CCDC178: variants seen among roughly 807,000 people sequenced by gnomAD.
CCDC178 encodes coiled-coil domain-containing protein 178.
In CCDC178, 126 loss-of-function variants were observed where a neutral mutation model predicts 117.4. The ratio of observed to expected loss-of-function variants is 1.07; its 90% CI spans 0.93 to 1.24. The LOEUF (loss-of-function observed/expected upper bound fraction) is 1.24, where lower values mean the gene tolerates loss of function less well. Ranked by LOEUF, CCDC178 falls within the 50% of genes most tolerant of loss-of-function variation. The pLI, the probability that CCDC178 is intolerant of heterozygous loss-of-function variation, is 0.00. For missense variants in CCDC178, 1,030 were observed against 986.9 expected, an observed-to-expected ratio of 1.04 and a Z score of -0.59; for synonymous variants, 283 against 313.4, an observed-to-expected ratio of 0.90 and a Z score of 1.02.
chr18:33,210,375 G>A (rs966328116), intron 20 of CCDC178, among the ~76,000 whole-genome samples: 4 of 151,890 alleles, frequency 2.6e-5, no homozygotes, highest in African/African-American at 7.2e-5. Flanking sequence ...AGAAAGGCAG[G>A]GACAGGCTTT....
intron 14 of CCDC178, among the ~76,000 whole-genome samples, chr18:33,246,186 T>A (rs1338631175): frequency 6.6e-6 from 1 of 151,880 alleles, no homozygotes; most frequent in African/African-American, 2.4e-5. Context: ...AGCACTCCAT[T>A]TGATTCTAAC....
At chr18:33,318,888 T>C (rs1016849074) in intron 11 of CCDC178, among the ~76,000 whole-genome samples, 5 of 152,052 alleles carry the variant, frequency 3.3e-5, no homozygotes, top group Non-Finnish European at 7.4e-5. Context: ...ATGTTATAAT[T>C]AATATATGAA....
chr18:32,969,081 A>G (rs2054874525), intron 22 of CCDC178, among the ~76,000 whole-genome samples: 1 of 152,048 alleles, frequency 6.6e-6, no homozygotes, highest in Admixed American at 6.6e-5. Flanking sequence ...TTTTGGAGTT[A>G]TCACATTTAA....
intron 21 of CCDC178, among the ~76,000 whole-genome samples, chr18:32,977,254 C>T (rs2055047146): frequency 6.6e-6 from 1 of 152,250 alleles, no homozygotes; most frequent in African/African-American, 2.4e-5. Context: ...GATGCCATAT[C>T]AGTTAAAGTT....
intron 19 of CCDC178, among the ~76,000 whole-genome samples, chr18:33,212,593 T>C (rs2144592161): frequency 6.6e-6 from 1 of 151,998 alleles, no homozygotes; most frequent in Admixed American, 6.6e-5. Flanking sequence ...TGTAAGATGA[T>C]GCCTTTTTTA....
intron 21 of CCDC178, among the ~76,000 whole-genome samples, chr18:33,080,313 GTA>G (rs929329522): frequency 6.6e-6 from 1 of 152,010 alleles, no homozygotes; most frequent in Admixed American, 6.6e-5. Flanking sequence ...CAGAAAATAG[GTA>G]CTATGTTTAG....
chr18:33,251,222 G>A (rs1188160241), intron 14 of CCDC178, among the ~76,000 whole-genome samples: 1 of 151,640 alleles, frequency 6.6e-6, no homozygotes, highest in Non-Finnish European at 1.5e-5. Context: ...CAAAGCTCAT[G>A]GGCTGCTAAA....
intron 19 of CCDC178, among the ~76,000 whole-genome samples, chr18:33,213,453 T>G (rs1014116665): frequency 3.9e-5 from 6 of 151,900 alleles, no homozygotes; most frequent in African/African-American, 1.2e-4. Flanking sequence ...CAGTAGCCAA[T>G]GATATTGACA....
chr18:33,211,962 G>T lies in CCDC178; in HGVS notation c.2172C>A (p.Ile724=). 1 of 1,610,082 alleles carries T rather than the reference G, an allele frequency of 6.2e-7. No individual in the cohort carries two copies. The part of the protein sequence containing the change: ...MQEKKDCEER[I]FEEDQRFRVL... The stretch of plus-strand genomic sequence containing the variant: ...CTCTAAATCTCTGATCTTCCTCAAA[G>T]ATTCTCTCTTCACAGTCTTTTTTCT... Residue 724 remains isoleucine (I), a synonymous_variant, in exon 20 of 23, where the codon ATC becomes ATA. Coordinates refer to ENST00000383096, the MANE Select transcript of CCDC178 (RefSeq NM_001105528.4).
At chr18:33,428,176 C>G (rs188912824) in intron 2 of CCDC178, among the ~76,000 whole-genome samples, 105 of 152,226 alleles carry the variant, frequency 6.9e-4, no homozygotes, top group Non-Finnish European at 2.1e-4. Context: ...AACACTTCTG[C>G]AGATGTTTGA....
At chr18:33,007,934 C>T (rs970835097) in intron 21 of CCDC178, among the ~76,000 whole-genome samples, 2 of 152,140 alleles carry the variant, frequency 1.3e-5, no homozygotes, top group African/African-American at 4.8e-5. Context: ...AGTGATAGTA[C>T]ATTTGCATGT....
chr18:33,102,648 G>T (rs1056187288), intron 20 of CCDC178, among the ~76,000 whole-genome samples: 14 of 151,800 alleles, frequency 9.2e-5, no homozygotes, highest in African/African-American at 3.4e-4. Context: ...TGGTACTGTT[G>T]TTCACATTAG....
At chr18:33,217,876 T>C (rs1022990061) in intron 18 of CCDC178, among the ~76,000 whole-genome samples, 1 of 152,018 alleles carries the variant, frequency 6.6e-6, no homozygotes, top group African/African-American at 2.4e-5. Flanking sequence ...ACTTTACCAC[T>C]AATGAGTTAT....
At chr18:33,290,183 A>G (rs374165835) in intron 12 of CCDC178, among the ~76,000 whole-genome samples, 83 of 152,312 alleles carry the variant, frequency 5.4e-4, no homozygotes, top group African/African-American at 1.9e-3. Flanking sequence ...TTAGAATTGT[A>G]TGCCCAAACC....
At chr18:33,301,177 C>T (rs952220954) in intron 11 of CCDC178, among the ~76,000 whole-genome samples, 1 of 152,180 alleles carries the variant, frequency 6.6e-6, no homozygotes, top group Non-Finnish European at 1.5e-5. Context: ...TTGGCTGCCA[C>T]TCTGGAGGGT....
At chr18:33,091,324 C>CTTTTTTTGTTTTTTTTTTTT (rs2057459852) in intron 21 of CCDC178, among the ~76,000 whole-genome samples, 1 of 43,882 alleles carries the variant, frequency 2.3e-5, no homozygotes, top group Non-Finnish European at 4.1e-5. Context: ...TTATTTCATT[C>CTTTTTTTGTTTTTTTTTTTT]TTTTTTTTTT....
At chr18:33,230,701 T>C (rs1366125313) in intron 15 of CCDC178, among the ~76,000 whole-genome samples, 44 of 152,186 alleles carry the variant, frequency 2.9e-4, no homozygotes, top group Admixed American at 2.8e-3. Flanking sequence ...ATCTTTAAGA[T>C]GGATGATACA....
chr18:33,261,219 G>A (rs1218318971), intron 14 of CCDC178, among the ~76,000 whole-genome samples: 2 of 152,112 alleles, frequency 1.3e-5, no homozygotes, highest in Non-Finnish European at 1.5e-5. Flanking sequence ...AAGTAGCTGG[G>A]GCTACAGGCG....
intron 20 of CCDC178, among the ~76,000 whole-genome samples, chr18:33,187,086 G>GGAGAGAGAGAGAGAGAGAGAGAGAGA (rs58400297): frequency 7.1e-6 from 1 of 140,042 alleles, no homozygotes; most frequent in Non-Finnish European, 1.5e-5. Context: ...CATGGCGGCA[G>GGAGAGAGAGAGAGAGAGAGAGAGAGA]GAGAGAGAGA....
Sources: gnomAD v4.1 joint callset for allele counts (sites outside exome capture counted in the v4.1 genomes callset) on GRCh38, gnomAD v4.1.1 for gene constraint, MANE v1.5 for transcripts, NCBI Gene and HGNC (gene_info 2026-07-23, HGNC 2026-07-21) for gene names.